Variants in ETV1 observed in about 807,000 individuals in gnomAD.
ETV1 encodes the protein ETS translocation variant 1.
ETV1 carries 27 observed loss-of-function variants against 62.3 expected under a neutral mutation model. The observed-to-expected ratio is 0.43, with a 90% CI of 0.32 to 0.60. ETV1 has a LOEUF of 0.60. Among genes scored for constraint, ETV1 ranks in the 20% least tolerant of loss-of-function variants. The pLI, the probability that ETV1 is intolerant of heterozygous loss-of-function variation, is 0.06. For missense variants in ETV1, 605 were observed against 605.8 expected (o/e 1.00, Z 0.01); for synonymous variants, 222 against 199.6 (o/e 1.11, Z -0.94).
At chr7:13,970,983 A>G (rs1224164726) in intron 6 of ETV1, among the ~76,000 whole-genome samples, 2 of 151,088 alleles carry the variant, frequency 1.3e-5, no homozygotes, top group Non-Finnish European at 2.9e-5. Context: ...TTATTTATTT[A>G]TTTTTTGAGA....
intron 5 of ETV1, 97 bp downstream of exon 5, chr7:13,986,541 A>T: frequency 1.3e-6 from 2 of 1,579,094 alleles, no homozygotes; most frequent in Non-Finnish European, 1.7e-6. Context: ...TTAGAGCTCA[A>T]TTAATTGGGC....
intron 6 of ETV1, among the ~76,000 whole-genome samples, chr7:13,969,261 G>C (rs1401461044): frequency 1.3e-5 from 2 of 151,950 alleles, no homozygotes; most frequent in African/African-American, 4.8e-5. Context: ...AATAATCTTT[G>C]GAAGAGGAAA....
intron 5 of ETV1, chr7:13,986,021 A>T: frequency 9.9e-7 from 1 of 1,011,652 alleles, no homozygotes; most frequent in South Asian, 1.5e-5. Flanking sequence ...TTCAGCAAAC[A>T]TAACATGAAT....
intron 9 of ETV1, among the ~76,000 whole-genome samples, chr7:13,926,738 G>GGATTT (rs1450158407): frequency 1.3e-5 from 2 of 152,034 alleles, no homozygotes; most frequent in Non-Finnish European, 2.9e-5. Context: ...GGATTGGATT[G>GGATTT]GATCTTTTAG....
chr7:13,932,211 T>C (rs948622487), intron 8 of ETV1, among the ~76,000 whole-genome samples: 17 of 152,166 alleles, frequency 1.1e-4, no homozygotes, highest in African/African-American at 3.9e-4. Context: ...AACTGATCAA[T>C]AAACAAAAAA....
chr7:13,933,194 C>T lies in ETV1; in HGVS notation c.555-1445G>A, dbSNP rs145240522. 7.2e-4 allele frequency among the ~76,000 whole-genome samples: 109 copies of T among 152,244 alleles called. 1 individual carries two copies. Among genetic ancestry groups the T allele is most frequent in the Middle Eastern group, 3.4e-3 (1 of 294 alleles). On this transcript the variant is annotated intron_variant, in intron 8 of 13. Transcript: ENST00000430479. ...AAGCCTTAAAAGGAAGTTAATAATACTTGTAACTGAAAGCTTTGTAAGGAA... is the reference window on the plus strand; with the variant it reads ...AAGCCTTAAAAGGAAGTTAATAATATTTGTAACTGAAAGCTTTGTAAGGAA...
At chr7:13,902,008 A>G (rs956583251) in intron 12 of ETV1, among the ~76,000 whole-genome samples, 20 of 152,164 alleles carry the variant, frequency 1.3e-4, no homozygotes, top group African/African-American at 3.9e-4. Context: ...CCAAAGCAGT[A>G]TACAGAATAG....
intron 6 of ETV1, 94 bp from the exon 7 acceptor site, chr7:13,939,340 A>T: frequency 9.5e-7 from 1 of 1,049,248 alleles, no homozygotes; most frequent in South Asian, 1.8e-5. Context: ...AAGGTCATTC[A>T]CATTTCATAT....
chr7:13,972,658 G>A (rs1781024086), intron 6 of ETV1, among the ~76,000 whole-genome samples: 1 of 152,156 alleles, frequency 6.6e-6, no homozygotes, highest in Admixed American at 6.5e-5. Context: ...GAGTGTCTGA[G>A]ATATGAAAAG....
intron 6 of ETV1, among the ~76,000 whole-genome samples, chr7:13,954,210 T>C (rs1300809261): frequency 1.3e-5 from 2 of 152,252 alleles, no homozygotes; most frequent in African/African-American, 2.4e-5. Context: ...TCTCCAGCAG[T>C]ATTTTAAAGG....
chr7:13,935,638 G>A (rs1786715857), intron 8 of ETV1, 70 bp downstream of exon 8: 5 of 1,361,124 alleles, frequency 3.7e-6, no homozygotes, highest in Non-Finnish European at 4.2e-6. Context: ...TAGGCCTTCA[G>A]AATTGTTAAT....
At chr7:13,930,434 G>A (rs1785957236) in intron 9 of ETV1, among the ~76,000 whole-genome samples, 1 of 151,990 alleles carries the variant, frequency 6.6e-6, no homozygotes, top group South Asian at 2.1e-4. Context: ...CAACTTTCCT[G>A]CCTCAGCCTA....
At chr7:13,919,080 T>TAA (rs1784529841) in intron 9 of ETV1, among the ~76,000 whole-genome samples, 1 of 152,120 alleles carries the variant, frequency 6.6e-6, no homozygotes, top group African/African-American at 2.4e-5. Flanking sequence ...ATCATGTCAA[T>TAA]GGGAATCCTT....
intron 3 of ETV1, 45 bp from the exon 4 acceptor site, chr7:13,988,218 G>C: frequency 1.6e-6 from 2 of 1,269,122 alleles, no homozygotes; most frequent in Middle Eastern, 1.8e-4. Flanking sequence ...GTAAACCTCA[G>C]ATCACACACA....
Position 13,894,329 on chromosome 7 carries a change from C to G in ETV1, c.*1537G>C, listed in dbSNP as rs537915556. Reference sequence around the variant, plus strand: ...TTCAAGGTGAATGAAACAACATACCCTGCTTTCAATATTTTCTCCAAATGC... The same window carrying G: ...TTCAAGGTGAATGAAACAACATACCGTGCTTTCAATATTTTCTCCAAATGC... On this transcript the variant is annotated 3_prime_UTR_variant, in exon 14 of 14. Transcript: ENST00000430479. 1 of 232,494 alleles carries G rather than the reference C, an allele frequency of 4.3e-6. No individual in the cohort carries two copies. Among genetic ancestry groups the G allele is most frequent in the East Asian group, 6.1e-5 (1 of 16,360 alleles). 14.4% of individuals were successfully genotyped at this position (232,494 alleles called of 1,614,324 possible).
rs568079942 is a variant in ETV1, at chr7:13,894,854, T to C, written c.*1012A>G. On this transcript the variant is annotated 3_prime_UTR_variant, in exon 14 of 14. Coordinates refer to ENST00000430479, the MANE Select transcript of ETV1 (RefSeq NM_004956.5). ...ATCAATGGGTACCATGTCTAAAAAT[T>C]ACTATAGTACCTATTTAGTGTATTG... is the stretch of plus-strand genomic sequence containing the variant. 24 of 232,726 alleles carry C rather than the reference T, an allele frequency of 1.0e-4. No homozygotes were observed. Among genetic ancestry groups the C allele is most frequent in the Non-Finnish European group, 1.5e-4 (18 of 117,618 alleles). The allele number at this position is 232,726 out of a possible 1,614,324, so 14.4% of individuals were successfully genotyped here.
intron 8 of ETV1, among the ~76,000 whole-genome samples, chr7:13,932,403 C>T (rs1012803635): frequency 2.6e-5 from 4 of 152,152 alleles, no homozygotes; most frequent in Non-Finnish European, 5.9e-5. Flanking sequence ...TGTCAAACAG[C>T]AATGCAGACC....
At chr7:13,915,167 G>A (rs1024123217) in intron 9 of ETV1, among the ~76,000 whole-genome samples, 2 of 152,140 alleles carry the variant, frequency 1.3e-5, no homozygotes, top group African/African-American at 4.8e-5. Context: ...ATAGTGCAAA[G>A]CTGGATTGAT....
chr7:13,932,626 G>C (rs1230235911), intron 8 of ETV1, among the ~76,000 whole-genome samples: 1 of 152,070 alleles, frequency 6.6e-6, no homozygotes, highest in African/African-American at 2.4e-5. Context: ...ATAACAATTG[G>C]CTAATCACAT....
Sources: gnomAD v4.1 joint callset for allele counts (sites outside exome capture counted in the v4.1 genomes callset) on GRCh38, gnomAD v4.1.1 for gene constraint, MANE v1.5 for transcripts, NCBI Gene and HGNC (gene_info 2026-07-23, HGNC 2026-07-21) for gene names.